STT3B: variants seen among roughly 807,000 people sequenced by gnomAD.
STT3B encodes STT3 oligosaccharyltransferase complex catalytic subunit B.
A neutral mutation model predicts 96.8 loss-of-function variants in STT3B; 29 were observed. That is an observed-to-expected ratio of 0.30 (90% CI 0.22 to 0.41). The LOEUF is 0.41. STT3B is among the 10% of genes least tolerant of loss of function. The pLI is 1.00. For missense variants in STT3B, 640 were observed against 1,022.3 expected (o/e 0.63, Z 5.10); for synonymous variants, 367 against 360.0 (o/e 1.02, Z -0.22).
intron 1 of STT3B, among the ~76,000 whole-genome samples, chr3:31,556,477 C>T (rs866626515): frequency 2.6e-5 from 4 of 152,174 alleles, no homozygotes; most frequent in Non-Finnish European, 4.4e-5. Context: ...GAAATCTCCA[C>T]ACTCTTTTCC....
At chr3:31,632,171 T>TAA (rs1052475005) in intron 14 of STT3B, among the ~76,000 whole-genome samples, 1 of 152,190 alleles carries the variant, frequency 6.6e-6, no homozygotes, top group Non-Finnish European at 1.5e-5. Flanking sequence ...GAGAATTTCT[T>TAA]AAAGTCTCCT....
At chr3:31,613,114 A>G (rs1699221675) in intron 5 of STT3B, among the ~76,000 whole-genome samples, 1 of 151,992 alleles carries the variant, frequency 6.6e-6, no homozygotes, top group South Asian at 2.1e-4. Context: ...GGGTAATGAA[A>G]ATTCTTTAGG....
chr3:31,636,198 G>A lies in STT3B; in HGVS notation c.*134G>A, dbSNP rs1559396402. The A allele has an allele frequency of 3.5e-6, 2 of 567,822 alleles. No individual in the cohort carries two copies. Among genetic ancestry groups the A allele is most frequent in the East Asian group, 6.5e-5 (2 of 30,680 alleles). The allele number at this position is 567,822 out of a possible 1,614,324, so 35.2% of individuals were successfully genotyped here. A position where few individuals can be genotyped will look rare whatever the true frequency, so the allele number is the denominator to read the frequency against. ...TCCAGGTTAATGTACAAAATTTTCT[G>A]GCAATGCCTGATTAAAAAAATAAAA... On this transcript the variant is annotated 3_prime_UTR_variant, in exon 16 of 16. Transcript: ENST00000295770.
intron 1 of STT3B, among the ~76,000 whole-genome samples, chr3:31,559,006 A>G (rs969173141): frequency 6.8e-6 from 1 of 146,378 alleles, no homozygotes; most frequent in Non-Finnish European, 1.5e-5. Context: ...ACTAATTTGT[A>G]GTGTCTTTGT....
At chr3:31,563,683 A>G (rs181351756) in intron 1 of STT3B, among the ~76,000 whole-genome samples, 6 of 152,358 alleles carry the variant, frequency 3.9e-5, no homozygotes, top group Admixed American at 2.0e-4. Flanking sequence ...TAAAAAGTTG[A>G]TATGTTGAAG....
chr3:31,533,139 C>G lies in STT3B; in HGVS notation c.141C>G (p.Gly47=), dbSNP rs367626371. 3.9e-6 allele frequency: 5 copies of G among 1,295,860 alleles called. No homozygotes were observed. Among genetic ancestry groups the G allele is most frequent in the Non-Finnish European group, 4.9e-6 (5 of 1,022,678 alleles). 80.3% of individuals were successfully genotyped at this position (1,295,860 alleles called of 1,614,324 possible). ...GAQCAHKAAG[G]AAPPKPAPAG... is the part of the protein sequence containing the mutation. ...AGTGCGCGCACAAGGCGGCGGGCGG[C>G]GCGGCGCCGCCGAAGCCGGCCCCGG... Residue 47 remains glycine (G), a synonymous_variant, in exon 1 of 16, where the codon GGC becomes GGG. Coordinates refer to ENST00000295770, the MANE Select transcript of STT3B (RefSeq NM_178862.3).
intron 3 of STT3B, among the ~76,000 whole-genome samples, chr3:31,581,532 T>C (rs1190832158): frequency 1.3e-5 from 2 of 152,202 alleles, no homozygotes; most frequent in Non-Finnish European, 2.9e-5. Context: ...CACATTACAT[T>C]CATGAATAAG....
At chr3:31,613,552 C>A (rs2125470916) in intron 5 of STT3B, among the ~76,000 whole-genome samples, 1 of 152,112 alleles carries the variant, frequency 6.6e-6, no homozygotes, top group South Asian at 2.1e-4. Context: ...CAAATCTTGT[C>A]CAACCCACAT....
intron 1 of STT3B, among the ~76,000 whole-genome samples, chr3:31,546,450 G>C (rs1697415281): frequency 6.6e-6 from 1 of 152,158 alleles, no homozygotes; most frequent in African/African-American, 2.4e-5. Flanking sequence ...CAGCATTGCA[G>C]CGGGGTTCTG....
intron 6 of STT3B, 151 bp from the exon 7 acceptor site, chr3:31,616,778 T>A: frequency 1.6e-6 from 1 of 637,994 alleles, no homozygotes; most frequent in Non-Finnish European, 2.5e-6. Flanking sequence ...ATTAGGCAAC[T>A]GTCATTTGAC....
chr3:31,635,959 T>C, intron 15 of STT3B, 25 bp from the exon 16 acceptor site: 1 of 1,557,942 alleles, frequency 6.4e-7, no homozygotes, highest in Non-Finnish European at 8.8e-7. Flanking sequence ...CCTGCATTAA[T>C]ACTATGTGTT....
At chr3:31,591,514 G>A (rs984465029) in intron 3 of STT3B, among the ~76,000 whole-genome samples, 2 of 152,022 alleles carry the variant, frequency 1.3e-5, no homozygotes, top group South Asian at 2.1e-4. Flanking sequence ...TCCCCTGATT[G>A]TTTAGCCTGT....
intron 1 of STT3B, among the ~76,000 whole-genome samples, chr3:31,539,868 C>T (rs1222435568): frequency 1.3e-5 from 2 of 152,014 alleles, no homozygotes; most frequent in Admixed American, 6.5e-5. Flanking sequence ...AGTCTTAAGC[C>T]ATGCCAGTTA....
chr3:31,626,387 C>A (rs905776542), intron 13 of STT3B, among the ~76,000 whole-genome samples: 1 of 152,182 alleles, frequency 6.6e-6, no homozygotes, highest in Non-Finnish European at 1.5e-5. Flanking sequence ...CTCTTCACAG[C>A]CTCTCATGTC....
At chr3:31,616,423 G>T (rs561093495) in intron 6 of STT3B, among the ~76,000 whole-genome samples, 5 of 151,814 alleles carry the variant, frequency 3.3e-5, no homozygotes, top group African/African-American at 1.2e-4. Context: ...CCATAATTTG[G>T]CATGAGCCCT....
At chr3:31,551,557 T>C (rs1697561833) in intron 1 of STT3B, among the ~76,000 whole-genome samples, 1 of 152,184 alleles carries the variant, frequency 6.6e-6, no homozygotes, top group Non-Finnish European at 1.5e-5. Flanking sequence ...CATCCATAAT[T>C]GGTCATTTCT....
intron 5 of STT3B, among the ~76,000 whole-genome samples, chr3:31,613,505 C>T (rs972013599): frequency 6.6e-6 from 1 of 152,032 alleles, no homozygotes; most frequent in Non-Finnish European, 1.5e-5. Flanking sequence ...GCCTGTTGAT[C>T]ATAGAATCTT....
At chr3:31,622,050 G>T (rs755205429) in intron 9 of STT3B, 47 bp from the exon 10 acceptor site, 1 of 1,509,508 alleles carries the variant, frequency 6.6e-7, no homozygotes, top group South Asian at 1.1e-5. Flanking sequence ...TCAGTTTCCT[G>T]GGAACTTTTT....
intron 3 of STT3B, among the ~76,000 whole-genome samples, chr3:31,585,673 G>C (rs1328125510): frequency 2.6e-5 from 4 of 151,810 alleles, no homozygotes; most frequent in Admixed American, 2.0e-4. Context: ...TCTGATTTCT[G>C]TTTCTCTGTC....
Sources: gnomAD v4.1 joint callset for allele counts (sites outside exome capture counted in the v4.1 genomes callset) on GRCh38, gnomAD v4.1.1 for gene constraint, MANE v1.5 for transcripts, NCBI Gene and HGNC (gene_info 2026-07-23, HGNC 2026-07-21) for gene names.